The following PPP3CA variants were observed in gnomAD, a reference collection of about 807,000 sequenced individuals.
PPP3CA encodes protein phosphatase 3 catalytic subunit alpha, also known as CAM-PRP catalytic subunit.
In PPP3CA, 14 loss-of-function variants were observed where a neutral mutation model predicts 66.5. The ratio of observed to expected loss-of-function variants is 0.21; its 90% CI spans 0.14 to 0.33. The LOEUF (loss-of-function observed/expected upper bound fraction) is 0.33. Among genes scored for constraint, PPP3CA ranks in the 10% least tolerant of loss-of-function variants. The probability of loss-of-function intolerance (pLI) is 1.00; values close to 1 mark genes in which losing one functional copy is unlikely to be tolerated. For missense variants in PPP3CA, 317 were observed against 639.5 expected (o/e 0.50, Z 5.44); for synonymous variants, 232 against 226.2 (o/e 1.03, Z -0.23).
intron 2 of PPP3CA, among the ~76,000 whole-genome samples, chr4:101,145,903 A>T (rs1722953815): frequency 6.6e-6 from 1 of 152,196 alleles, no homozygotes; most frequent in Non-Finnish European, 1.5e-5. Flanking sequence ...TTTTGTTCAT[A>T]ACCTATGAGC....
chr4:101,255,968 A>G (rs1726827013), intron 1 of PPP3CA, among the ~76,000 whole-genome samples: 1 of 151,900 alleles, frequency 6.6e-6, no homozygotes, highest in Non-Finnish European at 1.5e-5. Context: ...AATAATTTTA[A>G]ATCATTTTCC....
chr4:101,286,842 C>T (rs1391517541), intron 1 of PPP3CA, among the ~76,000 whole-genome samples: 2 of 152,154 alleles, frequency 1.3e-5, no homozygotes, highest in Non-Finnish European at 2.9e-5. Flanking sequence ...TTATCAAGGT[C>T]TGAGTAAGTG....
At chr4:101,184,243 T>C (rs1724335356) in intron 2 of PPP3CA, among the ~76,000 whole-genome samples, 1 of 152,184 alleles carries the variant, frequency 6.6e-6, no homozygotes, top group Admixed American at 6.6e-5. Flanking sequence ...GTGATGCTTG[T>C]AAGTTGAAGG....
chr4:101,277,365 G>T (rs1003036740), intron 1 of PPP3CA, among the ~76,000 whole-genome samples: 1 of 152,064 alleles, frequency 6.6e-6, no homozygotes, highest in Non-Finnish European at 1.5e-5. Flanking sequence ...ATTTGTGTAC[G>T]GGTTTTTGCG....
chr4:101,192,057 T>G (rs1014662298), intron 2 of PPP3CA, among the ~76,000 whole-genome samples: 7 of 152,088 alleles, frequency 4.6e-5, no homozygotes, highest in Non-Finnish European at 1.0e-4. Flanking sequence ...TACAAATGAG[T>G]GGAATGTTCT....
chr4:101,158,071 T>C (rs1723383131), intron 2 of PPP3CA: 1 of 152,186 alleles, frequency 6.6e-6, no homozygotes, highest in South Asian at 2.1e-4. Context: ...ATGTTTTGTC[T>C]TTGTTTTGCA....
chr4:101,109,720 A>G (rs914080475), intron 2 of PPP3CA, among the ~76,000 whole-genome samples: 1 of 151,822 alleles, frequency 6.6e-6, no homozygotes, highest in African/African-American at 2.4e-5. Context: ...ACAAAATGTT[A>G]AAGTGAAAAA....
chr4:101,040,504 C>A lies in PPP3CA; in HGVS notation c.1219G>T (p.Ala407Ser). The A allele has an allele frequency of 6.2e-7, 1 of 1,613,106 alleles. No homozygotes were observed. The highest frequency in any genetic ancestry group is 8.5e-7 in the Non-Finnish European group (1 of 1,179,620). Residue 407 changes from alanine (A) to serine (S), a missense_variant, in exon 11 of 14, where the codon GCC becomes TCC. Ala to Ser is a moderately conservative substitution (Grantham distance 99). Coordinates refer to ENST00000394854, the MANE Select transcript of PPP3CA (RefSeq NM_000944.5). ...RNKIRAIGKM[A>S]RVFSVLREES... is the part of the protein sequence containing the mutation. Reference sequence around the variant, plus strand: ...CACCTGAGCACTGAGAACACTCTGGCCATTTTGCCTATTGCTCGGATCTTG... The same window carrying A: ...CACCTGAGCACTGAGAACACTCTGGACATTTTGCCTATTGCTCGGATCTTG...
intron 1 of PPP3CA, among the ~76,000 whole-genome samples, chr4:101,207,221 T>C (rs1312342300): frequency 6.6e-6 from 1 of 152,188 alleles, no homozygotes; most frequent in Non-Finnish European, 1.5e-5. Flanking sequence ...CACTATCACA[T>C]GGGATTTCAG....
At chr4:101,061,062 T>C (rs377087647) in intron 10 of PPP3CA, 25 bp downstream of exon 10, 82 of 1,581,998 alleles carry the variant, frequency 5.2e-5, no homozygotes, top group Non-Finnish European at 6.6e-5. Flanking sequence ...CAAATAGCAT[T>C]AGCACAAAGG....
At chr4:101,144,121 C>T (rs909224499) in intron 2 of PPP3CA, among the ~76,000 whole-genome samples, 2 of 152,150 alleles carry the variant, frequency 1.3e-5, no homozygotes, top group South Asian at 2.1e-4. Context: ...TTGGTTCAAG[C>T]GCTGTCTGGA....
intron 1 of PPP3CA, among the ~76,000 whole-genome samples, chr4:101,280,769 G>A (rs1315708191): frequency 6.8e-6 from 1 of 146,308 alleles, no homozygotes; most frequent in Non-Finnish European, 1.5e-5. Flanking sequence ...GCAGTGAGCT[G>A]AGATCACCTC....
At chr4:101,114,966 T>G (rs1308799945) in intron 2 of PPP3CA, among the ~76,000 whole-genome samples, 1 of 151,928 alleles carries the variant, frequency 6.6e-6, no homozygotes, top group Non-Finnish European at 1.5e-5. Context: ...AAAACATAAA[T>G]ATTAACGTGT....
intron 2 of PPP3CA, among the ~76,000 whole-genome samples, chr4:101,115,325 G>A (rs1407020363): frequency 6.6e-6 from 1 of 151,854 alleles, no homozygotes; most frequent in African/African-American, 2.4e-5. Flanking sequence ...AGAGAGGACA[G>A]GTCAGAAAGA....
chr4:101,106,455 G>GAAAGAAAGAAAGAAAGAAAGA (rs1730733335), intron 3 of PPP3CA, among the ~76,000 whole-genome samples: 1 of 11,526 alleles, frequency 8.7e-5, no homozygotes, highest in Non-Finnish European at 2.0e-4. Flanking sequence ...GAAAGAAAGA[G>GAAAGAAAGAAAGAAAGAAAGA]AAAAGAAAAG....
chr4:101,227,644 G>A (rs1725825949), intron 1 of PPP3CA, among the ~76,000 whole-genome samples: 1 of 151,450 alleles, frequency 6.6e-6, no homozygotes, highest in Non-Finnish European at 1.5e-5. Flanking sequence ...GCAGGGGGTT[G>A]GTGTACAGAT....
chr4:101,266,659 T>G (rs1727178722), intron 1 of PPP3CA, among the ~76,000 whole-genome samples: 1 of 152,100 alleles, frequency 6.6e-6, no homozygotes, highest in African/African-American at 2.4e-5. Flanking sequence ...CAGAGATGAC[T>G]GGATGAGAAA....
intron 3 of PPP3CA, among the ~76,000 whole-genome samples, chr4:101,108,639 G>A (rs769558728): frequency 5.9e-5 from 9 of 152,064 alleles, no homozygotes; most frequent in Non-Finnish European, 8.8e-5. Context: ...GGTGGTGGGC[G>A]CGTGTAATCC....
intron 1 of PPP3CA, among the ~76,000 whole-genome samples, chr4:101,247,889 A>G (rs1013001984): frequency 6.6e-6 from 1 of 152,046 alleles, no homozygotes; most frequent in African/African-American, 2.4e-5. Flanking sequence ...CAAAAAACCT[A>G]TATATATATA....
Sources: gnomAD v4.1 joint callset for allele counts (sites outside exome capture counted in the v4.1 genomes callset) on GRCh38, gnomAD v4.1.1 for gene constraint, MANE v1.5 for transcripts, NCBI Gene and HGNC (gene_info 2026-07-23, HGNC 2026-07-21) for gene names.